SMAP1: variants seen among roughly 807,000 people sequenced by gnomAD.
SMAP1 encodes small ArfGAP 1, also known as stromal membrane-associated protein 1.
In SMAP1, 24 loss-of-function variants were observed where a neutral mutation model predicts 58.5. That is an observed-to-expected ratio of 0.41 (90% CI 0.30 to 0.58). The LOEUF is 0.58. SMAP1 is among the 20% of genes least tolerant of loss of function. The pLI is 0.29. For synonymous variants in SMAP1, 216 were observed against 196.6 expected, an observed-to-expected ratio of 1.10 and a Z score of -0.82; for missense variants, 563 against 566.3, an observed-to-expected ratio of 0.99 and a Z score of 0.06.
chr6:70,745,690 G>T (rs558048777), intron 2 of SMAP1, among the ~76,000 whole-genome samples: 8 of 152,256 alleles, frequency 5.3e-5, no homozygotes, highest in Non-Finnish European at 1.0e-4. Flanking sequence ...CTTTAAAGTA[G>T]TTTTTTCCAA....
rs1285563152 is a variant in SMAP1 at position 70,858,241 on chromosome 6, T to TTACTTTCTA, written c.1269+13_1269+21dup. The TTACTTTCTA allele has an allele frequency of 5.6e-6, 9 of 1,600,134 alleles. No homozygotes were observed. Among genetic ancestry groups the TTACTTTCTA allele is most frequent in the Non-Finnish European group, 7.7e-6 (9 of 1,172,588 alleles). ...GGAGCCTCTCACAGGTAGGGGTCAT[T>TTACTTTCTA]TACTTTCTAGCTTCTCCCAAATCAA... is the stretch of plus-strand genomic sequence containing the variant. On this transcript the variant is annotated intron_variant, in intron 10 of 10. Transcript: ENST00000370455.
chr6:70,683,148 A>C (rs1204678453), intron 1 of SMAP1, among the ~76,000 whole-genome samples: 1 of 148,284 alleles, frequency 6.7e-6, no homozygotes, highest in Non-Finnish European at 1.5e-5. Flanking sequence ...CATTTTCTTG[A>C]TACTCTTAAG....
At chr6:70,769,601 C>G (rs1367931180) in intron 3 of SMAP1, among the ~76,000 whole-genome samples, 4 of 152,050 alleles carry the variant, frequency 2.6e-5, no homozygotes, top group Non-Finnish European at 5.9e-5. Flanking sequence ...TTTCCATTTG[C>G]TTGGTAGATC....
chr6:70,766,745 A>G (rs762990587), intron 3 of SMAP1, among the ~76,000 whole-genome samples: 12 of 152,106 alleles, frequency 7.9e-5, no homozygotes, highest in South Asian at 2.1e-4. Flanking sequence ...AAGCTCTTTA[A>G]TTTAATTAGA....
intron 1 of SMAP1, among the ~76,000 whole-genome samples, chr6:70,714,719 A>C (rs1768194015): frequency 6.6e-6 from 1 of 152,176 alleles, no homozygotes; most frequent in Admixed American, 6.5e-5. Flanking sequence ...AACAAAAAAA[A>C]CATTATGTTG....
intron 6 of SMAP1, among the ~76,000 whole-genome samples, chr6:70,835,248 T>A (rs1270439841): frequency 9.1e-6 from 1 of 109,860 alleles, no homozygotes; most frequent in East Asian, 2.6e-4. Context: ...CGAGACTCCG[T>A]CTCAAAAAAA....
At chr6:70,781,220 C>A (rs1767750343) in intron 4 of SMAP1, among the ~76,000 whole-genome samples, 1 of 151,994 alleles carries the variant, frequency 6.6e-6, no homozygotes. Flanking sequence ...ATTGACTTGG[C>A]CACAGATTTT....
At chr6:70,792,487 C>A (rs1768407015) in intron 5 of SMAP1, among the ~76,000 whole-genome samples, 1 of 151,866 alleles carries the variant, frequency 6.6e-6, no homozygotes, top group African/African-American at 2.4e-5. Context: ...AGCTTACAGT[C>A]TAAGGCAAGA....
intron 3 of SMAP1, among the ~76,000 whole-genome samples, chr6:70,769,389 G>A (rs1273338791): frequency 2.6e-5 from 4 of 152,168 alleles, no homozygotes; most frequent in African/African-American, 9.7e-5. Flanking sequence ...GGAGTCTTAA[G>A]TCTTTTTGTA....
intron 1 of SMAP1, chr6:70,668,388 G>A (rs1345588783): frequency 2.2e-6 from 2 of 913,722 alleles, no homozygotes; most frequent in East Asian, 3.0e-5. Flanking sequence ...TCCCAGACAC[G>A]GGTTTGAGCA....
chr6:70,706,476 A>T (rs984960688), intron 1 of SMAP1, among the ~76,000 whole-genome samples: 2 of 152,140 alleles, frequency 1.3e-5, no homozygotes, highest in Non-Finnish European at 1.5e-5. Flanking sequence ...CTGGCATATT[A>T]TACTTTTATC....
intron 7 of SMAP1, among the ~76,000 whole-genome samples, chr6:70,838,928 G>T (rs1453917856): frequency 6.6e-6 from 1 of 152,124 alleles, no homozygotes; most frequent in Non-Finnish European, 1.5e-5. Flanking sequence ...TTTTAAGGAT[G>T]ACATTACAAG....
intron 6 of SMAP1, among the ~76,000 whole-genome samples, chr6:70,811,086 T>C (rs1284503202): frequency 6.6e-6 from 1 of 152,138 alleles, no homozygotes; most frequent in Admixed American, 6.6e-5. Context: ...TTTTGAAAAA[T>C]ATTAACAAAC....
intron 9 of SMAP1, chr6:70,857,668 T>C: frequency 2.1e-6 from 1 of 484,368 alleles, no homozygotes; most frequent in South Asian, 2.3e-5. Context: ...GTGGAAGATA[T>C]TTTGTGTGGC....
chr6:70,773,181 A>G (rs1562150259), intron 3 of SMAP1, 169 bp from the exon 4 acceptor site: 4 of 501,270 alleles, frequency 8.0e-6, no homozygotes, highest in Non-Finnish European at 1.4e-5. Flanking sequence ...CTTCTTTAAG[A>G]GAAAGAAAAG....
At chr6:70,747,413 G>A (rs886799417) in intron 2 of SMAP1, among the ~76,000 whole-genome samples, 2 of 152,138 alleles carry the variant, frequency 1.3e-5, no homozygotes, top group African/African-American at 4.8e-5. Context: ...ATGTGTCAGA[G>A]GAGGTAAAGG....
intron 5 of SMAP1, among the ~76,000 whole-genome samples, chr6:70,793,917 G>C (rs1286562162): frequency 6.6e-6 from 1 of 151,892 alleles, no homozygotes; most frequent in Non-Finnish European, 1.5e-5. Context: ...TATTTTTATA[G>C]AGATAGGGTT....
At chr6:70,747,840 A>G (rs1407301872) in intron 2 of SMAP1, among the ~76,000 whole-genome samples, 2 of 152,046 alleles carry the variant, frequency 1.3e-5, no homozygotes, top group Non-Finnish European at 2.9e-5. Context: ...GTAATTAGCA[A>G]ATGCTGCAAC....
intron 1 of SMAP1, among the ~76,000 whole-genome samples, chr6:70,713,896 A>G (rs945812261): frequency 2.0e-5 from 3 of 151,948 alleles, no homozygotes; most frequent in Non-Finnish European, 4.4e-5. Flanking sequence ...TTCTGTCAGT[A>G]TTTGCTTTAT....
Sources: allele counts gnomAD v4.1 joint callset (sites outside exome capture counted in the v4.1 genomes callset), GRCh38; gene constraint gnomAD v4.1.1; transcripts MANE v1.5; gene names NCBI Gene and HGNC (gene_info 2026-07-23, HGNC 2026-07-21).